PLCG2: variants seen among roughly 807,000 people sequenced by gnomAD.
The protein encoded by PLCG2 is phospholipase C gamma 2, also known as 1-phosphatidylinositol 4,5-bisphosphate phosphodiesterase gamma-2.
A neutral mutation model predicts 175.6 loss-of-function variants in PLCG2; 69 were observed. The observed-to-expected ratio is 0.39, with a 90% CI of 0.32 to 0.48. The LOEUF is 0.48. Among genes scored for constraint, PLCG2 ranks in the 20% least tolerant of loss-of-function variants. PLCG2 has a pLI of 0.91. For synonymous variants in PLCG2, 827 were observed against 624.0 expected, an observed-to-expected ratio of 1.33 and a Z score of -4.85; for missense variants, 1,798 against 1,650.9, an observed-to-expected ratio of 1.09 and a Z score of -1.54.
chr16:81,833,729 C>T (rs909385648), intron 2 of PLCG2, among the ~76,000 whole-genome samples: 1 of 151,830 alleles, frequency 6.6e-6, no homozygotes, highest in Non-Finnish European at 1.5e-5. Context: ...GAGGTGGGAA[C>T]TTACAGCCAA....
At position 81,840,753 on chromosome 16, in the gene PLCG2, C is replaced by T. The variant is rs74029245; in HGVS notation, c.194-13691C>T. Among the ~76,000 whole-genome samples, 1,302 of 152,274 alleles carry T rather than the reference C, an allele frequency of 8.6e-3. 22 individuals are homozygous for T. Among genetic ancestry groups the T allele is most frequent in the African/African-American group, 0.028 (1,160 of 41,540 alleles). On this transcript the variant is annotated intron_variant, in intron 2 of 32. Transcript: ENST00000564138. ...GGCTCGATTCCTAACGGGCCACAGA[C>T]AGGTGCCAGTTCATGGCCTGGGGAT...
At chr16:81,847,563 TA>T (rs1403432113) in intron 2 of PLCG2, among the ~76,000 whole-genome samples, 1 of 152,070 alleles carries the variant, frequency 6.6e-6, no homozygotes, top group Non-Finnish European at 1.5e-5. Flanking sequence ...CCAAGGGTGT[TA>T]GGGGTTGTGT....
rs190063189 is a variant in PLCG2 at position 81,832,426 on chromosome 16, A to G, written c.194-22018A>G. ...TTTTTTTGAGACACGATCTCACTCT[A>G]TCACCCAGGTGGGAGCGCAGTGGCA... On this transcript the variant is annotated intron_variant, in intron 2 of 32. Transcript: ENST00000564138. Among the ~76,000 whole-genome samples, 7 of 152,256 alleles carry G rather than the reference A, an allele frequency of 4.6e-5. No homozygotes were observed. The South Asian group carries it at 1.0e-3, about 23-fold the overall frequency.
intron 2 of PLCG2, among the ~76,000 whole-genome samples, chr16:81,850,287 A>G (rs1306327708): frequency 6.6e-6 from 1 of 152,202 alleles, no homozygotes; most frequent in South Asian, 2.1e-4. Flanking sequence ...TTTGAGATAA[A>G]TTAAGTATTT....
At chr16:81,938,560 T>G (rs1440232751) in intron 28 of PLCG2, 1 of 544,144 alleles carries the variant, frequency 1.8e-6, no homozygotes, top group African/African-American at 1.9e-5. Context: ...AGGTGAGTTT[T>G]ACCTGTTGAG....
chr16:81,948,811 C>G (rs576009685), intron 31 of PLCG2, among the ~76,000 whole-genome samples: 2 of 152,276 alleles, frequency 1.3e-5, no homozygotes, highest in African/African-American at 4.8e-5. Context: ...AAGAGTGTGA[C>G]ATGACTACTG....
At chr16:81,858,911 GC>G (rs1906823055) in intron 4 of PLCG2, among the ~76,000 whole-genome samples, 1 of 152,112 alleles carries the variant, frequency 6.6e-6, no homozygotes, top group Non-Finnish European at 1.5e-5. Context: ...AAGAAACCTG[GC>G]CTTTTTGAGT....
At chr16:81,852,317 G>A (rs958327763) in intron 2 of PLCG2, among the ~76,000 whole-genome samples, 6 of 152,178 alleles carry the variant, frequency 3.9e-5, no homozygotes, top group African/African-American at 7.2e-5. Flanking sequence ...CAGTCACTGA[G>A]CCAGGGCACT....
intron 2 of PLCG2, among the ~76,000 whole-genome samples, chr16:81,832,433 A>G (rs1905298479): frequency 6.6e-6 from 1 of 152,178 alleles, no homozygotes; most frequent in East Asian, 1.9e-4. Context: ...TCTATCACCC[A>G]GGTGGGAGCG....
intron 1 of PLCG2, among the ~76,000 whole-genome samples, chr16:81,752,886 C>A (rs966033400): frequency 6.6e-6 from 1 of 152,242 alleles, no homozygotes; most frequent in Admixed American, 6.5e-5. Flanking sequence ...CCAGGCCTTG[C>A]ACTGCCACCT....
At chr16:81,878,864 T>A (rs778868013) in intron 7 of PLCG2, among the ~76,000 whole-genome samples, 1 of 152,186 alleles carries the variant, frequency 6.6e-6, no homozygotes, top group Non-Finnish European at 1.5e-5. Context: ...CATTTGTTCT[T>A]TTTCATTCTC....
chr16:81,766,737 C>T (rs1031256142), intron 2 of PLCG2: 1 of 152,184 alleles, frequency 6.6e-6, no homozygotes, highest in East Asian at 1.9e-4. Flanking sequence ...CTAGAACATT[C>T]CCTGGAACAC....
rs950557421 is a variant in PLCG2 at position 81,962,146 on chromosome 16, C to G, written c.*4148C>G. Reference sequence around the variant, plus strand: ...GAGTAGCTGCGCTCCCCTGCTGGAACCTCCAAACAAGCTCTCAAGATTGCT... The same window carrying G: ...GAGTAGCTGCGCTCCCCTGCTGGAAGCTCCAAACAAGCTCTCAAGATTGCT... On this transcript the variant is annotated 3_prime_UTR_variant, in exon 33 of 33. Coordinates refer to ENST00000564138, the MANE Select transcript of PLCG2 (RefSeq NM_002661.5). The G allele has an allele frequency of 5.4e-6, 1 of 185,700 alleles. No homozygotes were observed. The highest frequency in any genetic ancestry group is 1.1e-5 in the Non-Finnish European group (1 of 87,378). 11.5% of individuals were successfully genotyped at this position (185,700 alleles called of 1,614,324 possible). A position where few individuals can be genotyped will look rare whatever the true frequency, so the allele number is the denominator to read the frequency against.
chr16:81,943,204 T>C (rs1911022141), intron 30 of PLCG2, among the ~76,000 whole-genome samples: 1 of 152,208 alleles, frequency 6.6e-6, no homozygotes. Flanking sequence ...GTTCTCACAC[T>C]GCTATAAAGA....
chr16:81,843,459 C>G (rs1224547214), intron 2 of PLCG2, among the ~76,000 whole-genome samples: 1 of 152,292 alleles, frequency 6.6e-6, no homozygotes, highest in Admixed American at 6.5e-5. Context: ...TACACAGAGA[C>G]AAGCGCTGAT....
At chr16:81,912,821 GC>G (rs892474742) in intron 19 of PLCG2, 105 bp downstream of exon 19, 29 of 1,324,570 alleles carry the variant, frequency 2.2e-5, no homozygotes, top group Admixed American at 3.1e-5. Flanking sequence ...GCAGTGCCCT[GC>G]CCCCCCAGCA....
intron 2 of PLCG2, among the ~76,000 whole-genome samples, chr16:81,838,234 C>T (rs973439456): frequency 4.6e-5 from 7 of 152,026 alleles, no homozygotes; most frequent in Admixed American, 4.6e-4. Flanking sequence ...CTGTAGGCAC[C>T]TGCCACCATG....
At chr16:81,921,003 G>C (rs757507453) in intron 20 of PLCG2, among the ~76,000 whole-genome samples, 195 bp from the exon 21 acceptor site, 2 of 152,140 alleles carry the variant, frequency 1.3e-5, no homozygotes, top group Non-Finnish European at 2.9e-5. Flanking sequence ...CTGATTTTGG[G>C]TTAGTTTCCA....
chr16:81,895,703 G>T (rs1908852736), intron 12 of PLCG2, 104 bp from the exon 13 acceptor site: 1 of 1,269,744 alleles, frequency 7.9e-7, no homozygotes, highest in Non-Finnish European at 1.1e-6. Context: ...GAGGGAGTGT[G>T]GGTGTCCTTG....
Sources: allele counts gnomAD v4.1 joint callset (sites outside exome capture counted in the v4.1 genomes callset), GRCh38; gene constraint gnomAD v4.1.1; transcripts MANE v1.5; gene names NCBI Gene and HGNC (gene_info 2026-07-23, HGNC 2026-07-21).